Variants in LARP4B observed in about 807,000 individuals in gnomAD.
LARP4B encodes la-related protein 4B.
Under a neutral mutation model 89.8 loss-of-function variants are expected in LARP4B, and 12 were observed. That is an observed-to-expected ratio of 0.13 (90% CI 0.09 to 0.22). The LOEUF (loss-of-function observed/expected upper bound fraction) is 0.22. LARP4B is among the 10% of genes least tolerant of loss of function. The pLI, the probability that LARP4B is intolerant of heterozygous loss-of-function variation, is 1.00. For missense variants in LARP4B, 757 were observed against 947.7 expected, an observed-to-expected ratio of 0.80 and a Z score of 2.64; for synonymous variants, 367 against 363.3, an observed-to-expected ratio of 1.01 and a Z score of -0.12.
At chr10:955,177 G>C in the LARP4B span, among the ~76,000 whole-genome samples, 2 of 152,194 alleles carry the variant, frequency 1.3e-5, no homozygotes, top group African/African-American at 4.8e-5. This position sits in a 1 kb window ranked among gnomAD's most constrained non-coding sequence, Gnocchi z 5.2. Flanking sequence ...CCCAACAGTA[G>C]GCTCACATTC....
intron 11 of LARP4B, among the ~76,000 whole-genome samples, chr10:829,171 G>A (rs533568669): frequency 7.9e-5 from 12 of 152,186 alleles, no homozygotes; most frequent in Non-Finnish European, 1.6e-4. Flanking sequence ...GAGGGGAGAC[G>A]GGCTGTGCAA....
At chr10:893,624 C>T (rs1440974580) in intron 1 of LARP4B, among the ~76,000 whole-genome samples, 3 of 152,160 alleles carry the variant, frequency 2.0e-5, no homozygotes, top group Non-Finnish European at 4.4e-5. Flanking sequence ...TCAGTCTTGC[C>T]TTATTCATCT....
intron 5 of LARP4B, among the ~76,000 whole-genome samples, 173 bp from the exon 6 acceptor site, chr10:845,228 C>A (rs1026266969): frequency 6.6e-6 from 1 of 152,016 alleles, no homozygotes; most frequent in Non-Finnish European, 1.5e-5. Flanking sequence ...TGCAAAAAAA[C>A]CTATCCCTTT....
intron 1 of LARP4B, among the ~76,000 whole-genome samples, chr10:917,701 A>T (rs556058298): frequency 6.6e-6 from 1 of 152,378 alleles, no homozygotes; most frequent in Admixed American, 6.5e-5. Context: ...TCATGTAAGT[A>T]TTACCAGCAT....
Position 859,809 on chromosome 10 carries a change from G to A in LARP4B, c.430+3934C>T, listed in dbSNP as rs573554910. Among the ~76,000 whole-genome samples, 4 of 150,896 alleles carry A rather than the reference G, an allele frequency of 2.7e-5. No individual in the cohort carries two copies. In the South Asian group the frequency reaches 8.4e-4, roughly 32 times the overall value. On this transcript the variant is annotated intron_variant, in intron 5 of 17. Transcript: ENST00000316157. ...ACATCCTGCAGGATTCCAACCCTAT[G>A]ACATTCTGGAAAAGGTAAAACTATG...
intron 1 of LARP4B, among the ~76,000 whole-genome samples, chr10:893,130 T>C (rs1028453703): frequency 6.7e-6 from 1 of 150,282 alleles, no homozygotes; most frequent in Non-Finnish European, 1.5e-5. Flanking sequence ...GTCAGGCTGG[T>C]CTTGAAGTCC....
chr10:983,348 C>T, the LARP4B span, among the ~76,000 whole-genome samples: 20 of 152,336 alleles, frequency 1.3e-4, no homozygotes, highest in African/African-American at 4.8e-4. Context: ...CCTCAATGAC[C>T]ATCCTGAACA....
chr10:807,429 T>C (rs1831596751), downstream of LARP4B: 1 of 152,312 alleles, frequency 6.6e-6, no homozygotes, highest in Non-Finnish European at 1.5e-5. Context: ...CTGTGGGCCC[T>C]CACAGGCCCA....
chr10:831,097 T>C (rs1353815486), intron 8 of LARP4B, 120 bp from the exon 9 acceptor site: 1 of 482,282 alleles, frequency 2.1e-6, no homozygotes, highest in Admixed American at 4.3e-5. Flanking sequence ...CGTACCATGA[T>C]GCCTAGTAAA....
At chr10:883,725 AG>A (rs1451052712) in intron 3 of LARP4B, among the ~76,000 whole-genome samples, 1 of 151,736 alleles carries the variant, frequency 6.6e-6, no homozygotes, top group Admixed American at 6.6e-5. Context: ...CTTTGAGTTC[AG>A]AAGCTCGAGA....
chr10:931,001 G>A (rs1246906163), intron 1 of LARP4B, among the ~76,000 whole-genome samples: 3 of 140,444 alleles, frequency 2.1e-5, no homozygotes, highest in Non-Finnish European at 3.1e-5. Flanking sequence ...CCCCGTCCTC[G>A]CCGGCCTTCG....
Position 842,916 on chromosome 10 carries a change from A to G in LARP4B, c.646+16T>C. ...CTAAGGACAAGTATTATTAATTTAAATTGTCATTTACTTACATCTTAGCAC... is the reference window on the plus strand; with the variant it reads ...CTAAGGACAAGTATTATTAATTTAAGTTGTCATTTACTTACATCTTAGCAC... On this transcript the variant is annotated intron_variant, in intron 7 of 17. Coordinates refer to ENST00000316157, the MANE Select transcript of LARP4B (RefSeq NM_015155.3). 1 of 1,610,926 alleles carries G rather than the reference A, an allele frequency of 6.2e-7. No individual in the cohort carries two copies. The highest frequency in any genetic ancestry group is 1.3e-5 in the African/African-American group (1 of 74,958).
At chr10:928,022 G>A (rs1837195979) in intron 1 of LARP4B, among the ~76,000 whole-genome samples, 1 of 151,812 alleles carries the variant, frequency 6.6e-6, no homozygotes, top group Non-Finnish European at 1.5e-5. Flanking sequence ...AGACCAGCCT[G>A]GCCAACATGG....
At chr10:935,792 C>T (rs1830743147), upstream of LARP4B, among the ~76,000 whole-genome samples, 1 of 140,760 alleles carries the variant, frequency 7.1e-6, no homozygotes, top group Non-Finnish European at 1.5e-5. Flanking sequence ...AATCTTGGCT[C>T]ACTGCAACCT....
At chr10:988,055 C>G in the LARP4B span, 1 of 158,140 alleles carries the variant, frequency 6.3e-6, no homozygotes. Flanking sequence ...CCCCCAGACT[C>G]CCGGATCCCC....
At chr10:825,934 C>T in intron 11 of LARP4B, 64 bp from the exon 12 acceptor site, 1 of 1,054,720 alleles carries the variant, frequency 9.5e-7, no homozygotes, top group Non-Finnish European at 1.4e-6. Context: ...TCATTAATAC[C>T]AACAAATCTG....
At chr10:886,917 C>T (rs1219273919) in intron 1 of LARP4B, among the ~76,000 whole-genome samples, 1 of 152,086 alleles carries the variant, frequency 6.6e-6, no homozygotes, top group Admixed American at 6.6e-5. Context: ...TGGAGAAATC[C>T]AGTCTCTACT....
chr10:957,148 C>G, the LARP4B span, among the ~76,000 whole-genome samples: 385 of 152,092 alleles, frequency 2.5e-3, 4 homozygotes, highest in African/African-American at 8.9e-3. Context: ...TCTCCTGAAC[C>G]CTCTTATTTT....
At chr10:863,983 A>G (rs1834761461) in intron 4 of LARP4B, 100 bp from the exon 5 acceptor site, 2 of 1,550,514 alleles carry the variant, frequency 1.3e-6, no homozygotes, top group African/African-American at 2.7e-5. Flanking sequence ...TTAGACTGTA[A>G]AAGACCTCTG....
Sources: gnomAD v4.1 joint callset for allele counts (sites outside exome capture counted in the v4.1 genomes callset) on GRCh38, gnomAD v4.1.1 for gene constraint, Gnocchi (gnomAD v3.1) non-coding constraint, MANE v1.5 for transcripts, NCBI Gene and HGNC (gene_info 2026-07-23, HGNC 2026-07-21) for gene names.